The following CLGN variants were observed in gnomAD, a reference collection of about 807,000 sequenced individuals.
CLGN encodes testis tissue sperm-binding protein Li 79P.
A neutral mutation model predicts 79.1 loss-of-function variants in CLGN; 62 were observed. The ratio of observed to expected loss-of-function variants is 0.78; its 90% confidence interval spans 0.64 to 0.97. The LOEUF (loss-of-function observed/expected upper bound fraction) is 0.97. CLGN is among the 50% of genes least tolerant of loss of function. CLGN has a pLI of 0.00. For missense variants in CLGN, 647 were observed against 715.5 expected (o/e 0.90, Z 1.09); for synonymous variants, 225 against 224.7 (o/e 1.00, Z -0.01).
At chr4:140,412,114 T>TA (rs1198154443) in intron 2 of CLGN, among the ~76,000 whole-genome samples, 1 of 151,906 alleles carries the variant, frequency 6.6e-6, no homozygotes, top group Admixed American at 6.6e-5. Context: ...AAATAGGCTT[T>TA]AAAAAAAATT....
chr4:140,423,586 A>T (rs1729510354), intron 1 of CLGN, among the ~76,000 whole-genome samples: 1 of 152,210 alleles, frequency 6.6e-6, no homozygotes, highest in Non-Finnish European at 1.5e-5. Context: ...TTTCGGAAGA[A>T]TTTGAGGAGG....
chr4:140,396,927 A>G (rs908107653), intron 8 of CLGN, among the ~76,000 whole-genome samples: 17 of 129,434 alleles, frequency 1.3e-4, no homozygotes, highest in South Asian at 5.0e-4. Flanking sequence ...ATATATACAC[A>G]TATATATATA....
chr4:140,416,411 G>T (rs1267313003), intron 1 of CLGN, among the ~76,000 whole-genome samples: 23 of 145,242 alleles, frequency 1.6e-4, no homozygotes, highest in Admixed American at 4.1e-4. Flanking sequence ...ATGAATCCAG[G>T]AGCTGGTTTT....
chr4:140,405,197 T>A lies in CLGN; in HGVS notation c.419+745A>T, dbSNP rs559753163. ...TATTTTTATTTTTTTTTTTATTTTT[T>A]TTTTTGAGACGGAGTCTCGCTCTGT... is the stretch of plus-strand genomic sequence containing the variant. On this transcript the variant is annotated intron_variant, in intron 5 of 14. Coordinates refer to ENST00000325617, the MANE Select transcript of CLGN (RefSeq NM_004362.3). Among the ~76,000 whole-genome samples, 341 of 147,858 alleles carry A rather than the reference T, an allele frequency of 2.3e-3. 1 individual carries two copies. The highest frequency in any genetic ancestry group is 8.1e-3 in the African/African-American group (330 of 40,580).
rs889201429 is a variant in CLGN, at chr4:140,423,319, T to A, written c.-10+4218A>T. ...GATCATGTGTTCTCCCCTCCCTACA[T>A]TGTAAATGTGGCATGGTACACTGAT... On this transcript the variant is annotated intron_variant, in intron 1 of 14. Transcript: ENST00000325617. Among the ~76,000 whole-genome samples, 3 of 152,334 alleles carry A rather than the reference T, an allele frequency of 2.0e-5. No homozygotes were observed. The South Asian group carries it at 6.2e-4, about 32-fold the overall frequency.
chr4:140,416,451 C>T (rs1428436685), intron 1 of CLGN, among the ~76,000 whole-genome samples: 2 of 151,108 alleles, frequency 1.3e-5, no homozygotes, highest in East Asian at 3.9e-4. Flanking sequence ...TGATAGACTG[C>T]TAGCAAGACT....
In CLGN at chr4:140,398,890, GCT is replaced by G. The variant is rs560837572; in HGVS notation, c.843_844del (p.Arg281SerfsTer5). On this transcript the variant is annotated frameshift_variant, in exon 8 of 15. Transcript: ENST00000325617. LOFTEE classifies it high-confidence loss of function. Reference sequence around the variant, plus strand: ...GACGGCAGAAGGATCAGGAATTTTTGCTCTTTCATCCCATTCCTCAGGTTTTT... The same window carrying G: ...GACGGCAGAAGGATCAGGAATTTTTGCTTTCATCCCATTCCTCAGGTTTTT... 3.8e-5 allele frequency: 61 copies of G among 1,613,664 alleles called. 1 individual carries two copies. The African/African-American group carries it at 7.7e-4, about 20-fold the overall frequency.
intron 5 of CLGN, among the ~76,000 whole-genome samples, chr4:140,402,309 A>G (rs890588060): frequency 4.6e-5 from 7 of 152,018 alleles, no homozygotes; most frequent in African/African-American, 1.7e-4. Flanking sequence ...AGACAAACCA[A>G]TCAATTTGTT....
At chr4:140,409,112 G>T (rs1031058490) in intron 4 of CLGN, among the ~76,000 whole-genome samples, 10 of 151,910 alleles carry the variant, frequency 6.6e-5, no homozygotes, top group African/African-American at 2.4e-4. Flanking sequence ...TGATGTAACT[G>T]CTTATCAGAG....
At chr4:140,398,682 A>G (rs1193008277) in intron 8 of CLGN, among the ~76,000 whole-genome samples, 169 bp downstream of exon 8, 1 of 152,202 alleles carries the variant, frequency 6.6e-6, no homozygotes. Flanking sequence ...AAAAAATTAC[A>G]GGGAGGGAAG....
intron 1 of CLGN, among the ~76,000 whole-genome samples, chr4:140,414,997 A>G (rs1729298158): frequency 2.0e-5 from 3 of 151,700 alleles, no homozygotes; most frequent in Non-Finnish European, 4.4e-5. Flanking sequence ...CTAACAGCGG[A>G]TCTCTCAGCA....
chr4:140,412,335 A>T (rs1729229353), intron 2 of CLGN, among the ~76,000 whole-genome samples: 1 of 152,170 alleles, frequency 6.6e-6, no homozygotes, highest in Non-Finnish European at 1.5e-5. Context: ...GATTATCACA[A>T]GGTTAGATAT....
intron 1 of CLGN, among the ~76,000 whole-genome samples, chr4:140,424,198 T>G (rs1000359321): frequency 1.4e-4 from 21 of 152,304 alleles, no homozygotes; most frequent in African/African-American, 5.1e-4. Flanking sequence ...CCCATAAGTT[T>G]TGGTATCTTT....
chr4:140,396,108 C>T lies in CLGN; in HGVS notation c.982G>A (p.Glu328Lys). The stretch of plus-strand genomic sequence containing the variant: ...AGTGCTTACCAGTCATCAGGTTTTT[C>T]AGCATTAGGATCAGGGATAAATTTT... ...EPKFIPDPNAEKPDDWNEDTD... is the reference protein window; with the variant it reads ...EPKFIPDPNAKKPDDWNEDTD... Residue 328 changes from glutamate (E) to lysine (K), a missense_variant, in exon 9 of 15, where the codon GAA becomes AAA. Transcript: ENST00000325617. 6.2e-7 allele frequency: 1 copy of T among 1,614,062 alleles called. No individual in the cohort carries two copies. The highest frequency in any genetic ancestry group is 8.5e-7 in the Non-Finnish European group (1 of 1,179,958).
rs141702107 is a variant in CLGN at position 140,393,855 on chromosome 4, A to G, written c.1336T>C (p.Trp446Arg). The G allele has an allele frequency of 1.0e-4, 165 of 1,613,654 alleles. No individual in the cohort carries two copies. The African/African-American group carries it at 2.0e-3, about 19-fold the overall frequency. Reference sequence around the variant, plus strand: ...TTAGCATTTGCTATCATTATTTTCCATCTCCAACCATCTGCAGCCCAGTGA... The same window carrying G: ...TTAGCATTTGCTATCATTATTTTCCGTCTCCAACCATCTGCAGCCCAGTGA... ...ADHWAADGWR[W>R]KIMIANANKP... Residue 446 changes from tryptophan to arginine, a missense_variant, in exon 11 of 15, where the codon TGG becomes CGG. Coordinates refer to ENST00000325617, the MANE Select transcript of CLGN (RefSeq NM_004362.3).
At chr4:140,422,464 A>C (rs142881339) in intron 1 of CLGN, among the ~76,000 whole-genome samples, 22 of 152,236 alleles carry the variant, frequency 1.4e-4, no homozygotes, top group African/African-American at 4.8e-4. Flanking sequence ...TTCATGTACA[A>C]GTATTTTACT....
intron 5 of CLGN, among the ~76,000 whole-genome samples, chr4:140,403,340 C>A (rs1318076154): frequency 6.6e-6 from 1 of 152,204 alleles, no homozygotes; most frequent in Non-Finnish European, 1.5e-5. Flanking sequence ...TAAAGGATAT[C>A]ATGCCCAATG....
At chr4:140,407,339 A>G (rs1729127599) in intron 4 of CLGN, among the ~76,000 whole-genome samples, 2 of 152,164 alleles carry the variant, frequency 1.3e-5, no homozygotes, top group South Asian at 4.1e-4. Context: ...GCAATCTGGC[A>G]AGAGAAAGAA....
At chr4:140,404,732 G>T (rs949868657) in intron 5 of CLGN, among the ~76,000 whole-genome samples, 1 of 151,698 alleles carries the variant, frequency 6.6e-6, no homozygotes, top group African/African-American at 2.4e-5. Flanking sequence ...TTGGCTCACT[G>T]CAGCCTCGAC....
Sources: allele counts gnomAD v4.1 joint callset (sites outside exome capture counted in the v4.1 genomes callset), GRCh38; gene constraint gnomAD v4.1.1; transcripts MANE v1.5; gene names NCBI Gene and HGNC (gene_info 2026-07-23, HGNC 2026-07-21).